Variants in RBMS1 observed in about 807,000 individuals in gnomAD.
The protein encoded by RBMS1 is RNA binding motif single stranded interacting protein 1, also known as RNA-binding motif, single-stranded-interacting protein 1.
Under a neutral mutation model 62.3 loss-of-function variants are expected in RBMS1, and 17 were observed. That is an observed-to-expected ratio of 0.27 (90% CI 0.19 to 0.41). The LOEUF is 0.41. RBMS1 is among the 10% of genes least tolerant of loss of function. The pLI, the probability that RBMS1 is intolerant of heterozygous loss-of-function variation, is 1.00. For missense variants in RBMS1, 334 were observed against 504.5 expected, an observed-to-expected ratio of 0.66 and a Z score of 3.24; for synonymous variants, 172 against 170.0, an observed-to-expected ratio of 1.01 and a Z score of -0.09.
intron 1 of RBMS1, among the ~76,000 whole-genome samples, chr2:160,474,562 A>C (rs1380161880): frequency 1.3e-5 from 2 of 152,240 alleles, no homozygotes; most frequent in Non-Finnish European, 2.9e-5. Context: ...GTTGCCTAAT[A>C]ATGTGAACGT....
At chr2:160,278,205 C>T (rs1687932249) in intron 11 of RBMS1, 1 of 262,950 alleles carries the variant, frequency 3.8e-6, no homozygotes, top group Non-Finnish European at 7.4e-6. Context: ...AAATAATTCC[C>T]TGCTTTTACC....
chr2:160,313,626 G>A (rs1009042525), intron 3 of RBMS1, among the ~76,000 whole-genome samples: 11 of 151,766 alleles, frequency 7.2e-5, no homozygotes, highest in African/African-American at 2.7e-4. Flanking sequence ...TTAATGATTC[G>A]GTAAGAAAGA....
At chr2:160,299,229 T>A (rs1394718657) in intron 6 of RBMS1, among the ~76,000 whole-genome samples, 1 of 152,168 alleles carries the variant, frequency 6.6e-6, no homozygotes, top group African/African-American at 2.4e-5. Flanking sequence ...AATGTTGACA[T>A]GAGAAGGTGC....
chr2:160,478,903 C>T (rs1685248063), intron 1 of RBMS1, among the ~76,000 whole-genome samples: 1 of 152,192 alleles, frequency 6.6e-6, no homozygotes, highest in African/African-American at 2.4e-5. Context: ...AGGCTGCCCA[C>T]CTGCCAAGTG....
intron 9 of RBMS1, 147 bp from the exon 10 acceptor site, chr2:160,281,511 AG>A (rs1483011303): frequency 1.3e-5 from 8 of 606,390 alleles, no homozygotes; most frequent in Non-Finnish European, 2.2e-5. Context: ...TAAGGCAGTT[AG>A]AATTCTTGGC....
At chr2:160,478,738 A>G (rs1474334965) in intron 1 of RBMS1, among the ~76,000 whole-genome samples, 3 of 152,222 alleles carry the variant, frequency 2.0e-5, no homozygotes, top group Non-Finnish European at 4.4e-5. Flanking sequence ...GGTGGACTTA[A>G]TGAGTATATG....
At chr2:160,474,910 A>G (rs929987607) in intron 1 of RBMS1, among the ~76,000 whole-genome samples, 3 of 152,232 alleles carry the variant, frequency 2.0e-5, no homozygotes, top group Admixed American at 6.5e-5. Flanking sequence ...TATCGTATTT[A>G]TGGTGTGATA....
intron 2 of RBMS1, among the ~76,000 whole-genome samples, chr2:160,352,078 C>G (rs1165444648): frequency 6.6e-6 from 1 of 152,112 alleles, no homozygotes; most frequent in South Asian, 2.1e-4. Flanking sequence ...GGATGCAAAG[C>G]TGACTCATAA....
At chr2:160,350,766 G>C (rs938403221) in intron 2 of RBMS1, among the ~76,000 whole-genome samples, 4 of 152,104 alleles carry the variant, frequency 2.6e-5, no homozygotes, top group African/African-American at 9.7e-5. Context: ...TTGGACATTT[G>C]GGTTGGTTCC....
At chr2:160,407,317 G>C (rs1005198094) in intron 1 of RBMS1, 1 of 981,200 alleles carries the variant, frequency 1.0e-6, no homozygotes, top group African/African-American at 1.8e-5. Context: ...TCAGGTCGCC[G>C]GCCGAGCAGT....
chr2:160,289,894 T>C (rs1688593277), intron 6 of RBMS1, among the ~76,000 whole-genome samples: 1 of 151,332 alleles, frequency 6.6e-6, no homozygotes, highest in Non-Finnish European at 1.5e-5. Flanking sequence ...GCAAATTACA[T>C]CAAGATTTAA....
chr2:160,373,268 T>C (rs145023960), intron 1 of RBMS1, among the ~76,000 whole-genome samples: 7 of 152,340 alleles, frequency 4.6e-5, no homozygotes, highest in East Asian at 1.9e-4. Flanking sequence ...GATCCTTGCA[T>C]GTAAAACTGC....
intron 2 of RBMS1, among the ~76,000 whole-genome samples, chr2:160,341,083 T>A (rs149440231): frequency 5.9e-5 from 9 of 152,232 alleles, no homozygotes; most frequent in African/African-American, 2.2e-4. Flanking sequence ...TAAAAAAATA[T>A]ATGTTTGAGT....
At chr2:160,323,625 A>C (rs924699592) in intron 2 of RBMS1, among the ~76,000 whole-genome samples, 28 of 150,166 alleles carry the variant, frequency 1.9e-4, no homozygotes, top group South Asian at 8.5e-4. Flanking sequence ...AAAAAAAAAA[A>C]AAAAAACTGT....
At chr2:160,345,357 C>T (rs892142474) in intron 2 of RBMS1, among the ~76,000 whole-genome samples, 6 of 152,056 alleles carry the variant, frequency 3.9e-5, no homozygotes, top group African/African-American at 4.8e-5. Flanking sequence ...TAAGCCTATA[C>T]GGGGAGGCTA....
intron 1 of RBMS1, among the ~76,000 whole-genome samples, chr2:160,446,622 G>A (rs1008423075): frequency 6.6e-6 from 1 of 152,122 alleles, no homozygotes; most frequent in African/African-American, 2.4e-5. Context: ...TTTGGAAACC[G>A]TGTATGTGAG....
At chr2:160,311,235 T>TCTCTCTCTCTCTCTCTC (rs1689874139) in intron 4 of RBMS1, among the ~76,000 whole-genome samples, 1 of 111,316 alleles carries the variant, frequency 9.0e-6, no homozygotes, top group African/African-American at 3.6e-5. Context: ...TATCTATCTA[T>TCTCTCTCTCTCTCTCTC]ATATATATAT....
intron 1 of RBMS1, among the ~76,000 whole-genome samples, chr2:160,394,092 G>T (rs1695009977): frequency 6.6e-6 from 1 of 152,222 alleles, no homozygotes; most frequent in Non-Finnish European, 1.5e-5. Flanking sequence ...GTTGGTGAGG[G>T]AGACCGACAG....
chr2:160,364,103 T>C (rs953458833), intron 2 of RBMS1, among the ~76,000 whole-genome samples: 3 of 152,162 alleles, frequency 2.0e-5, no homozygotes, highest in South Asian at 2.1e-4. Context: ...ATATGACAAA[T>C]AGACCACACA....
Sources: allele counts gnomAD v4.1 joint callset (sites outside exome capture counted in the v4.1 genomes callset), GRCh38; gene constraint gnomAD v4.1.1; transcripts MANE v1.5; gene names NCBI Gene and HGNC (gene_info 2026-07-23, HGNC 2026-07-21).